Variants in BRINP3 observed in about 807,000 individuals in gnomAD.
BRINP3 encodes the protein BMP/retinoic acid-inducible neural-specific protein 3.
BRINP3 carries 19 observed loss-of-function variants against 71.0 expected under a neutral mutation model. That is an observed-to-expected ratio of 0.27 (90% CI 0.19 to 0.39). The LOEUF is 0.39. Among genes scored for constraint, BRINP3 ranks in the 10% least tolerant of loss-of-function variants. The pLI is 1.00. For missense variants in BRINP3, 959 were observed against 940.8 expected, an observed-to-expected ratio of 1.02 and a Z score of -0.25; for synonymous variants, 380 against 337.7, an observed-to-expected ratio of 1.13 and a Z score of -1.37.
At chr1:190,149,860 A>G (rs764022277) in intron 7 of BRINP3, among the ~76,000 whole-genome samples, 2 of 152,188 alleles carry the variant, frequency 1.3e-5, no homozygotes, top group Non-Finnish European at 2.9e-5. Flanking sequence ...CAACCACCAC[A>G]GCAAACTGAC....
At chr1:190,175,565 C>T (rs1398564122) in intron 6 of BRINP3, among the ~76,000 whole-genome samples, 1 of 152,048 alleles carries the variant, frequency 6.6e-6, no homozygotes, top group Non-Finnish European at 1.5e-5. Context: ...AGAAATGCTG[C>T]TGCTTCTCTG....
chr1:190,155,064 A>G (rs564867717), intron 7 of BRINP3, among the ~76,000 whole-genome samples: 147 of 152,246 alleles, frequency 9.7e-4, no homozygotes, highest in African/African-American at 2.6e-3. Context: ...CATGAGTCCA[A>G]TGATGATATT....
At chr1:190,435,694 C>G (rs1674412710) in intron 2 of BRINP3, among the ~76,000 whole-genome samples, 1 of 151,966 alleles carries the variant, frequency 6.6e-6, no homozygotes, top group African/African-American at 2.4e-5. Context: ...CTACTTTTCA[C>G]AGCAAGAAAC....
At chr1:190,151,900 C>T (rs986157863) in intron 7 of BRINP3, among the ~76,000 whole-genome samples, 12 of 152,088 alleles carry the variant, frequency 7.9e-5, no homozygotes, top group African/African-American at 2.2e-4. Context: ...GAAAAGATGA[C>T]GTGACACTGA....
chr1:190,353,395 T>C (rs1329993198), intron 2 of BRINP3, among the ~76,000 whole-genome samples: 1 of 152,038 alleles, frequency 6.6e-6, no homozygotes, highest in African/African-American at 2.4e-5. Flanking sequence ...TTTTTGAAAG[T>C]GAGAAGATGC....
rs1653077481 is a variant in BRINP3, at chr1:190,182,035, C to T, written c.962-21145G>A. ...TTGAAAAATGTCACTTCCTTCTCAT[C>T]CTCATAGTATTTGATCAAAATTATT... On this transcript the variant is annotated intron_variant, in intron 6 of 7. Transcript: ENST00000367462. 2.0e-5 allele frequency among the ~76,000 whole-genome samples: 3 copies of T among 151,870 alleles called. No homozygotes were observed. The South Asian group carries it at 6.2e-4, about 32-fold the overall frequency.
At chr1:190,368,102 C>T (rs923048556) in intron 2 of BRINP3, among the ~76,000 whole-genome samples, 1 of 152,084 alleles carries the variant, frequency 6.6e-6, no homozygotes, top group Non-Finnish European at 1.5e-5. Context: ...TCTTACACTG[C>T]TAATAAAGAC....
intron 1 of BRINP3, among the ~76,000 whole-genome samples, chr1:190,463,410 A>T (rs1029832249): frequency 7.9e-5 from 12 of 151,680 alleles, no homozygotes; most frequent in Admixed American, 2.0e-4. Flanking sequence ...AAGTGATAAT[A>T]GCGTGAAAAT....
chr1:190,214,074 A>G (rs1472122043), intron 6 of BRINP3, among the ~76,000 whole-genome samples: 1 of 152,026 alleles, frequency 6.6e-6, no homozygotes, highest in African/African-American at 2.4e-5. Flanking sequence ...TCCCCGAAAA[A>G]CAGAAGACAA....
intron 4 of BRINP3, among the ~76,000 whole-genome samples, chr1:190,258,082 C>G (rs1211947861): frequency 6.6e-6 from 1 of 152,230 alleles, no homozygotes; most frequent in Non-Finnish European, 1.5e-5. Context: ...CTATGCCCTG[C>G]CCCCAGAGGT....
chr1:190,138,540 G>A (rs1197467805), intron 7 of BRINP3, among the ~76,000 whole-genome samples: 1 of 152,144 alleles, frequency 6.6e-6, no homozygotes, highest in Non-Finnish European at 1.5e-5. Flanking sequence ...AAAGAGCTCA[G>A]ATGTTAGTTT....
At chr1:190,119,221 A>G (rs1653413379) in intron 7 of BRINP3, among the ~76,000 whole-genome samples, 1 of 151,896 alleles carries the variant, frequency 6.6e-6, no homozygotes, top group African/African-American at 2.4e-5. Flanking sequence ...TTAAAACATT[A>G]CATTACATGA....
chr1:190,149,802 G>T (rs961074985), intron 7 of BRINP3, among the ~76,000 whole-genome samples: 1 of 152,076 alleles, frequency 6.6e-6, no homozygotes, highest in Admixed American at 6.6e-5. Context: ...TTGATCTTTT[G>T]TATTTCCTTT....
chr1:190,110,238 C>T (rs1054701513), intron 7 of BRINP3, among the ~76,000 whole-genome samples: 3 of 152,104 alleles, frequency 2.0e-5, no homozygotes, highest in Admixed American at 2.0e-4. Context: ...AGTTACAGGA[C>T]AGTCTGTCTA....
chr1:190,277,124 T>TATATA (rs1317037411), intron 3 of BRINP3, among the ~76,000 whole-genome samples: 12 of 132,722 alleles, frequency 9.0e-5, no homozygotes, highest in Non-Finnish European at 1.5e-4. Flanking sequence ...TATATTTATA[T>TATATA]TCAGAAAAGA....
chr1:190,306,501 T>A (rs1352616021), intron 2 of BRINP3, among the ~76,000 whole-genome samples: 1 of 151,968 alleles, frequency 6.6e-6, no homozygotes, highest in Non-Finnish European at 1.5e-5. Context: ...AAACTGTATA[T>A]TACCTCTTCA....
chr1:190,211,986 G>A (rs1191743126), intron 6 of BRINP3, among the ~76,000 whole-genome samples: 3 of 151,986 alleles, frequency 2.0e-5, no homozygotes, highest in Non-Finnish European at 4.4e-5. Context: ...TACCCTCCCT[G>A]GTACTGGAGA....
chr1:190,325,513 A>G (rs1048867997), intron 2 of BRINP3, among the ~76,000 whole-genome samples: 3 of 152,036 alleles, frequency 2.0e-5, no homozygotes, highest in Admixed American at 2.0e-4. Context: ...TTGAAATTAC[A>G]TACTGAAGAG....
intron 1 of BRINP3, among the ~76,000 whole-genome samples, chr1:190,466,736 GTC>G (rs1676778593): frequency 6.6e-6 from 1 of 151,464 alleles, no homozygotes; most frequent in African/African-American, 2.4e-5. Flanking sequence ...AGGCAGATTT[GTC>G]TCTGTTTTAT....
Sources: allele counts gnomAD v4.1 joint callset (sites outside exome capture counted in the v4.1 genomes callset), GRCh38; gene constraint gnomAD v4.1.1; transcripts MANE v1.5; gene names NCBI Gene and HGNC (gene_info 2026-07-23, HGNC 2026-07-21).